Variants in GRM7 observed in about 807,000 individuals in gnomAD.
GRM7 encodes the protein glutamate metabotropic receptor 7.
Under a neutral mutation model 84.5 loss-of-function variants are expected in GRM7, and 35 were observed. The ratio of observed to expected loss-of-function variants is 0.41; its 90% CI spans 0.32 to 0.55. The LOEUF is 0.55. GRM7 is among the 20% of genes least tolerant of loss of function. The pLI, the probability that GRM7 is intolerant of heterozygous loss-of-function variation, is 0.19. For missense variants in GRM7, 1,003 were observed against 1,194.6 expected (o/e 0.84, Z 2.36); for synonymous variants, 487 against 455.1 (o/e 1.07, Z -0.89).
intron 1 of GRM7, chr3:6,892,760 T>C (rs1696014960): frequency 6.6e-6 from 1 of 152,206 alleles, no homozygotes; most frequent in Non-Finnish European, 1.5e-5. Flanking sequence ...CAGCCCTCTG[T>C]GCTGGGCCAC....
chr3:7,511,264 G>T (rs1344983951), intron 7 of GRM7, among the ~76,000 whole-genome samples: 3 of 152,100 alleles, frequency 2.0e-5, no homozygotes, highest in African/African-American at 7.2e-5. Context: ...CCATTATCTA[G>T]AAACTTAGAA....
At chr3:7,189,737 T>TA (rs1695644994) in intron 2 of GRM7, among the ~76,000 whole-genome samples, 1 of 152,108 alleles carries the variant, frequency 6.6e-6, no homozygotes, top group African/African-American at 2.4e-5. Flanking sequence ...GAAACAGTAA[T>TA]AAAAATAATT....
intron 1 of GRM7, among the ~76,000 whole-genome samples, chr3:6,973,564 A>G (rs1693852216): frequency 6.6e-6 from 1 of 152,192 alleles, no homozygotes; most frequent in South Asian, 2.1e-4. Flanking sequence ...AAACAAAGCA[A>G]GAGAAAGGAG....
intron 1 of GRM7, among the ~76,000 whole-genome samples, chr3:6,898,402 CAAA>C (rs58548226): frequency 0.089 from 9,050 of 101,812 alleles, 360 homozygotes; most frequent in Non-Finnish European, 0.14. Flanking sequence ...GGCACAAAGA[CAAA>C]AAAAAAAAAA....
At chr3:7,116,470 G>A (rs1693037098) in intron 1 of GRM7, among the ~76,000 whole-genome samples, 1 of 152,088 alleles carries the variant, frequency 6.6e-6, no homozygotes, top group African/African-American at 2.4e-5. Context: ...TCATCCAAGT[G>A]TTTTGCCTCT....
At chr3:7,118,690 C>A (rs540294944) in intron 1 of GRM7, among the ~76,000 whole-genome samples, 1 of 151,818 alleles carries the variant, frequency 6.6e-6, no homozygotes, top group Non-Finnish European at 1.5e-5. Context: ...AAAATCACCC[C>A]TTTTCACATG....
intron 2 of GRM7, among the ~76,000 whole-genome samples, chr3:7,159,562 A>G (rs567452711): frequency 6.6e-6 from 1 of 152,136 alleles, no homozygotes; most frequent in African/African-American, 2.4e-5. Context: ...CCCCTCTTTC[A>G]TTCTTCATTC....
At chr3:7,572,821 C>CAAAAAAAAAAAAAAAAAAA (rs1437470999) in intron 7 of GRM7, among the ~76,000 whole-genome samples, 1 of 20,992 alleles carries the variant, frequency 4.8e-5, no homozygotes, top group African/African-American at 1.9e-4. Context: ...GACTCTATCT[C>CAAAAAAAAAAAAAAAAAAA]AAATATATAT....
At chr3:7,109,682 G>T (rs570351916) in intron 1 of GRM7, among the ~76,000 whole-genome samples, 1 of 152,200 alleles carries the variant, frequency 6.6e-6, no homozygotes, top group East Asian at 1.9e-4. Context: ...TGAGTTCTAT[G>T]TACTAAAAAT....
At chr3:7,241,107 G>T (rs1026771901) in intron 2 of GRM7, among the ~76,000 whole-genome samples, 3 of 152,112 alleles carry the variant, frequency 2.0e-5, no homozygotes, top group African/African-American at 7.2e-5. Context: ...GCTGTATATG[G>T]TTGCTGAATT....
chr3:7,582,325 T>A (rs1241317475), intron 8 of GRM7, among the ~76,000 whole-genome samples: 1 of 152,162 alleles, frequency 6.6e-6, no homozygotes, highest in Non-Finnish European at 1.5e-5. Flanking sequence ...GATATGTTCA[T>A]CTAGAGCTTT....
intron 5 of GRM7, among the ~76,000 whole-genome samples, chr3:7,429,360 A>G (rs1559315576): frequency 1.3e-5 from 2 of 152,190 alleles, no homozygotes; most frequent in East Asian, 3.8e-4. Flanking sequence ...ATTTTTGGAC[A>G]ATTGAAATAT....
intron 5 of GRM7, among the ~76,000 whole-genome samples, chr3:7,425,802 G>A (rs183875031): frequency 6.6e-6 from 1 of 152,236 alleles, no homozygotes; most frequent in East Asian, 1.9e-4. Flanking sequence ...AGAAAAAGAT[G>A]CCAAGAACCA....
chr3:6,966,762 A>G (rs1441703236), intron 1 of GRM7, among the ~76,000 whole-genome samples: 1 of 152,228 alleles, frequency 6.6e-6, no homozygotes, highest in Admixed American at 6.5e-5. Context: ...GTAAAACAAA[A>G]GAGTCTCTGT....
At chr3:7,499,289 G>A (rs1213760328) in intron 7 of GRM7, among the ~76,000 whole-genome samples, 2 of 152,086 alleles carry the variant, frequency 1.3e-5, no homozygotes, top group Non-Finnish European at 2.9e-5. Flanking sequence ...CCTAGCCTTG[G>A]GAGATACATG....
At chr3:7,217,189 T>C (rs975032901) in intron 2 of GRM7, among the ~76,000 whole-genome samples, 1 of 152,160 alleles carries the variant, frequency 6.6e-6, no homozygotes, top group Non-Finnish European at 1.5e-5. Context: ...AGAGAGGAAG[T>C]GATAAGACCT....
chr3:7,340,675 C>G (rs1701604386), intron 4 of GRM7, among the ~76,000 whole-genome samples: 1 of 152,090 alleles, frequency 6.6e-6, no homozygotes, highest in African/African-American at 2.4e-5. Context: ...AAGAAAGTGC[C>G]CTTGCCCTCA....
intron 8 of GRM7, among the ~76,000 whole-genome samples, chr3:7,600,711 C>T (rs1696268203): frequency 6.6e-6 from 1 of 152,132 alleles, no homozygotes; most frequent in Non-Finnish European, 1.5e-5. Flanking sequence ...TTGCCCATAT[C>T]ATCTTAACCA....
chr3:7,516,778 C>G (rs886827868), intron 7 of GRM7, among the ~76,000 whole-genome samples: 3 of 152,190 alleles, frequency 2.0e-5, no homozygotes, highest in African/African-American at 7.2e-5. Context: ...TTTGCCTCTG[C>G]AACCTGACTC....
Sources: allele counts gnomAD v4.1 joint callset (sites outside exome capture counted in the v4.1 genomes callset), GRCh38; gene constraint gnomAD v4.1.1; transcripts MANE v1.5; gene names NCBI Gene and HGNC (gene_info 2026-07-23, HGNC 2026-07-21).